RIT2: variants seen among roughly 807,000 people sequenced by gnomAD.
RIT2 encodes Ras like without CAAX 2.
RIT2 carries 24 observed loss-of-function variants against 23.7 expected under a neutral mutation model. The observed-to-expected ratio is 1.01, with a 90% CI of 0.73 to 1.43. The LOEUF (loss-of-function observed/expected upper bound fraction) is 1.43, where lower values mean the gene tolerates loss of function less well. Ranked by LOEUF, RIT2 falls within the 40% of genes most tolerant of loss-of-function variation. The probability of loss-of-function intolerance (pLI) is 0.00; values close to 1 mark genes in which losing one functional copy is unlikely to be tolerated. For missense variants in RIT2, 236 were observed against 266.9 expected (o/e 0.88, Z 0.81); for synonymous variants, 107 against 91.1 (o/e 1.17, Z -0.99).
chr18:42,854,885 A>T (rs1261544907), intron 4 of RIT2, among the ~76,000 whole-genome samples: 1 of 152,128 alleles, frequency 6.6e-6, no homozygotes, highest in African/African-American at 2.4e-5. Context: ...AAAATCACAC[A>T]ACTACTACCC....
At chr18:43,102,449 T>C (rs1383000325) in intron 1 of RIT2, among the ~76,000 whole-genome samples, 1 of 117,316 alleles carries the variant, frequency 8.5e-6, no homozygotes, top group Non-Finnish European at 1.8e-5. Flanking sequence ...GAAACCCTTT[T>C]TTTTTTTTTT....
intron 2 of RIT2, among the ~76,000 whole-genome samples, chr18:43,017,621 G>A (rs1227886347): frequency 6.6e-6 from 1 of 152,014 alleles, no homozygotes; most frequent in Non-Finnish European, 1.5e-5. Flanking sequence ...GTAGTAGTTA[G>A]TATTTAGAAT....
intron 4 of RIT2, among the ~76,000 whole-genome samples, chr18:42,757,890 T>A (rs1488859168): frequency 6.6e-6 from 1 of 152,202 alleles, no homozygotes; most frequent in East Asian, 1.9e-4. Flanking sequence ...GACTAGCACC[T>A]AGAAACTCAT....
chr18:42,808,578 T>G (rs1234336814), intron 4 of RIT2, among the ~76,000 whole-genome samples: 4 of 108,696 alleles, frequency 3.7e-5, no homozygotes, highest in Admixed American at 8.3e-5. Flanking sequence ...AAAGAATTCG[T>G]TTTTTTTTTC....
intron 3 of RIT2, among the ~76,000 whole-genome samples, chr18:42,970,117 C>G (rs1461690278): frequency 1.3e-5 from 2 of 151,900 alleles, no homozygotes; most frequent in African/African-American, 4.8e-5. Context: ...ATTTGCCGTA[C>G]TACCTTAGAT....
At chr18:42,902,820 G>A (rs1908512251) in intron 4 of RIT2, among the ~76,000 whole-genome samples, 1 of 151,366 alleles carries the variant, frequency 6.6e-6, no homozygotes, top group South Asian at 2.1e-4. Flanking sequence ...ATCATAAATA[G>A]GAAATGCCAA....
At chr18:43,051,347 C>T (rs1223949880) in intron 1 of RIT2, among the ~76,000 whole-genome samples, 10 of 151,944 alleles carry the variant, frequency 6.6e-5, no homozygotes, top group Non-Finnish European at 1.5e-4. Flanking sequence ...TGAATAGATA[C>T]TACAGAAGAG....
chr18:43,104,435 C>T (rs1467378269), intron 1 of RIT2, among the ~76,000 whole-genome samples: 2 of 152,040 alleles, frequency 1.3e-5, no homozygotes, highest in East Asian at 3.9e-4. Flanking sequence ...TTAATGTTCA[C>T]AGCACAAAGA....
intron 2 of RIT2, among the ~76,000 whole-genome samples, chr18:42,978,999 T>C (rs531827747): frequency 1.4e-4 from 22 of 152,256 alleles, no homozygotes; most frequent in Admixed American, 3.9e-4. Flanking sequence ...TTATGAGTTT[T>C]ATTTAGTACT....
At chr18:42,817,652 G>C (rs1906035775) in intron 4 of RIT2, among the ~76,000 whole-genome samples, 1 of 152,024 alleles carries the variant, frequency 6.6e-6, no homozygotes, top group Non-Finnish European at 1.5e-5. Context: ...ATTGGAGTTT[G>C]GTCCAGGGGA....
chr18:42,795,993 C>T (rs936488227), intron 4 of RIT2, among the ~76,000 whole-genome samples: 7 of 152,140 alleles, frequency 4.6e-5, no homozygotes, highest in Admixed American at 1.3e-4. Context: ...CCCCTTGGCT[C>T]TACCAATCAG....
At chr18:42,765,340 C>T (rs1268549343) in intron 4 of RIT2, among the ~76,000 whole-genome samples, 1 of 152,138 alleles carries the variant, frequency 6.6e-6, no homozygotes, top group Non-Finnish European at 1.5e-5. Flanking sequence ...ATGTCATTAT[C>T]TTCTCTGAGA....
intron 4 of RIT2, among the ~76,000 whole-genome samples, chr18:42,895,246 A>G (rs926000338): frequency 2.0e-5 from 3 of 152,146 alleles, no homozygotes; most frequent in East Asian, 1.9e-4. Context: ...CAGAGCCTCA[A>G]TTATAACCTT....
At chr18:42,938,931 G>A (rs1051560113) in intron 3 of RIT2, among the ~76,000 whole-genome samples, 2 of 151,788 alleles carry the variant, frequency 1.3e-5, no homozygotes, top group Non-Finnish European at 2.9e-5. Flanking sequence ...TTTTTGATAG[G>A]GATGGCATCT....
chr18:43,089,285 T>C (rs544305249), intron 1 of RIT2, among the ~76,000 whole-genome samples: 3 of 151,826 alleles, frequency 2.0e-5, no homozygotes, highest in African/African-American at 7.2e-5. Flanking sequence ...TCAACAACAA[T>C]GAAGCCGAGA....
chr18:42,858,050 G>A (rs543915400), intron 4 of RIT2, among the ~76,000 whole-genome samples: 13 of 152,146 alleles, frequency 8.5e-5, no homozygotes, highest in East Asian at 3.9e-4. Context: ...GCATGGTGGC[G>A]CGCGCCTGTA....
intron 2 of RIT2, among the ~76,000 whole-genome samples, chr18:43,015,343 G>A (rs1911449598): frequency 6.6e-6 from 1 of 151,658 alleles, no homozygotes; most frequent in Non-Finnish European, 1.5e-5. Context: ...GTCATTCACT[G>A]ACTCAGGGAA....
intron 2 of RIT2, among the ~76,000 whole-genome samples, chr18:42,977,393 C>A (rs897945349): frequency 6.6e-6 from 1 of 152,196 alleles, no homozygotes; most frequent in African/African-American, 2.4e-5. Flanking sequence ...AACTGAATCA[C>A]TGCTAAAAGC....
rs530246782 is a variant in RIT2, at chr18:42,783,365, G to A, written c.427-39645C>T. Among the ~76,000 whole-genome samples the A allele has an allele frequency of 2.6e-5, 4 of 151,932 alleles. No individual in the cohort carries two copies. The South Asian group carries it at 6.2e-4, about 24-fold the overall frequency. On this transcript the variant is annotated intron_variant, in intron 4 of 4. Coordinates refer to ENST00000326695, the MANE Select transcript of RIT2 (RefSeq NM_002930.4). ...AGTAAAGCTATGGGAGAAATAATGA[G>A]AGGATTTCAAGATAAGTGGAAGGAA... is the stretch of plus-strand genomic sequence containing the variant.
Sources: allele counts gnomAD v4.1 joint callset (sites outside exome capture counted in the v4.1 genomes callset), GRCh38; gene constraint gnomAD v4.1.1; transcripts MANE v1.5; gene names NCBI Gene and HGNC (gene_info 2026-07-23, HGNC 2026-07-21).